Variants in PLXNA4 observed in about 807,000 individuals in gnomAD.
PLXNA4 encodes plexin-A4.
PLXNA4 carries 44 observed loss-of-function variants against 191.8 expected under a neutral mutation model. That is an observed-to-expected ratio of 0.23 (90% CI 0.18 to 0.29). The LOEUF (loss-of-function observed/expected upper bound fraction) is 0.29, where lower values mean the gene tolerates loss of function less well. PLXNA4 is among the 10% of genes least tolerant of loss of function. PLXNA4 has a pLI of 1.00. For synonymous variants in PLXNA4, 1,082 were observed against 1,009.5 expected, an observed-to-expected ratio of 1.07 and a Z score of -1.36; for missense variants, 1,800 against 2,488.8, an observed-to-expected ratio of 0.72 and a Z score of 5.89.
chr7:132,411,003 C>T (rs1359899827), intron 3 of PLXNA4, among the ~76,000 whole-genome samples: 2 of 152,280 alleles, frequency 1.3e-5, no homozygotes, highest in East Asian at 3.9e-4. Context: ...ATCCCGATTA[C>T]GTTTGCCCAT....
In PLXNA4 at chr7:132,159,477, A is replaced by C; in HGVS notation, c.4656T>G (p.Asp1552Glu). The change falls in exon 25 of 32, where the codon GAT becomes GAG. Residue 1552 changes from aspartate (D) to glutamate (E), a missense_variant. Asp to Glu is a conservative substitution (Grantham distance 45). Transcript: ENST00000321063. Reference sequence around the variant, plus strand: ...CTGGGTGGACAGCCTACTCACCCAGATCCATATCTGCAGCTTTGGGCCGGT... The same window carrying C: ...CTGGGTGGACAGCCTACTCACCCAGCTCCATATCTGCAGCTTTGGGCCGGT... ...CSHRPKAADM[D>E]LEWRQGSGAR... The C allele has an allele frequency of 1.2e-6, 2 of 1,614,048 alleles. No individual in the cohort carries two copies. Among genetic ancestry groups the C allele is most frequent in the East Asian group, 4.5e-5 (2 of 44,874 alleles).
At chr7:132,179,658 A>G in intron 20 of PLXNA4, 29 bp downstream of exon 20, 1 of 1,602,998 alleles carries the variant, frequency 6.2e-7, no homozygotes, top group Non-Finnish European at 8.5e-7. Context: ...GCACACACAC[A>G]TGGCCTCCAG....
At chr7:132,235,797 C>T (rs1261795751) in intron 5 of PLXNA4, among the ~76,000 whole-genome samples, 2 of 152,140 alleles carry the variant, frequency 1.3e-5, no homozygotes, top group Non-Finnish European at 2.9e-5. Flanking sequence ...GGGGACCTGC[C>T]AAGCCTGGTC....
At chr7:132,250,092 C>G (rs1799191691) in intron 4 of PLXNA4, among the ~76,000 whole-genome samples, 1 of 152,194 alleles carries the variant, frequency 6.6e-6, no homozygotes, top group Non-Finnish European at 1.5e-5. Flanking sequence ...GGATCTGCCA[C>G]CACTGTGTGA....
At chr7:132,173,495 G>T (rs1363529073) in intron 21 of PLXNA4, among the ~76,000 whole-genome samples, 1 of 152,158 alleles carries the variant, frequency 6.6e-6, no homozygotes, top group Non-Finnish European at 1.5e-5. Flanking sequence ...TCTTAGCTGA[G>T]GAGCCAAAGG....
chr7:132,508,797 A>T lies in PLXNA4; in HGVS notation c.-86-18T>A, dbSNP rs156963. ...CTCCCCTACTGGAGAAAGGGAAGAC[A>T]ATGAGCTGGATAACAATGCCAGTGG... On this transcript the variant is annotated intron_variant, in intron 1 of 31. Coordinates refer to ENST00000321063, the MANE Select transcript of PLXNA4 (RefSeq NM_020911.2). This position sits in a 1 kb window ranked among gnomAD's most constrained non-coding sequence, Gnocchi z 4.4. The T allele has an allele frequency of 0.38, 548,518 of 1,434,240 alleles. 106,125 individuals are homozygous for T. The highest frequency in any genetic ancestry group is 0.47 in the African/African-American group (32,828 of 69,576). The allele number at this position is 1,434,240 out of a possible 1,614,324, so 88.8% of individuals were successfully genotyped here. A position where few individuals can be genotyped will look rare whatever the true frequency, so the allele number is the denominator to read the frequency against.
chr7:132,194,168 T>C lies in PLXNA4; in HGVS notation c.2750A>G (p.Glu917Gly). 6.2e-7 allele frequency: 1 copy of C among 1,613,412 alleles called. No individual in the cohort carries two copies. The highest frequency in any genetic ancestry group is 8.5e-7 in the Non-Finnish European group (1 of 1,179,552). Reference sequence around the variant, plus strand: ...CTGGCTGGGCTTGGCCTCCCCCATCTCACACACGATCCTGCAGGGAGGATA... The same window carrying C: ...CTGGCTGGGCTTGGCCTCCCCCATCCCACACACGATCCTGCAGGGAGGATA... ...GYIPAEQIVC[E>G]MGEAKPSQHA... is the part of the protein sequence containing the mutation. The change falls in exon 14 of 32, where the codon GAG becomes GGG. Residue 917 changes from glutamate (E) to glycine (G), a missense_variant. By Grantham distance (98) the Glu-to-Gly change is moderately conservative. This residue lies in a region of PLXNA4 where 1,397 missense variants were observed against 1,880.4 expected (regional missense o/e 0.74). Coordinates refer to ENST00000321063, the MANE Select transcript of PLXNA4 (RefSeq NM_020911.2).
At chr7:132,610,147 A>G (rs1299559943) in intron 2 of PLXNA4, among the ~76,000 whole-genome samples, 1 of 152,250 alleles carries the variant, frequency 6.6e-6, no homozygotes, top group African/African-American at 2.4e-5. Context: ...AACACTTCCA[A>G]GAACCCGAGC....
intron 4 of PLXNA4, among the ~76,000 whole-genome samples, chr7:132,285,097 C>A (rs1024346094): frequency 6.6e-6 from 1 of 152,174 alleles, no homozygotes; most frequent in South Asian, 2.1e-4. Context: ...GAAAGCTAAG[C>A]CTCATTGAGT....
intron 6 of PLXNA4, 84 bp from the exon 7 acceptor site, chr7:132,227,688 A>T: frequency 6.5e-7 from 1 of 1,545,160 alleles, no homozygotes; most frequent in Non-Finnish European, 8.9e-7. Flanking sequence ...AAAGTGGGAG[A>T]GTGAGAGAGA....
chr7:132,356,081 G>A (rs1164088561), intron 3 of PLXNA4, among the ~76,000 whole-genome samples: 4 of 152,166 alleles, frequency 2.6e-5, no homozygotes, highest in Non-Finnish European at 5.9e-5. Flanking sequence ...CAGTTTCGAA[G>A]AACTGCTTTA....
At chr7:132,551,588 C>G (rs552030794) in intron 1 of PLXNA4, among the ~76,000 whole-genome samples, 1 of 152,304 alleles carries the variant, frequency 6.6e-6, no homozygotes, top group Non-Finnish European at 1.5e-5. Context: ...TCAGAGCTCT[C>G]TGCAAAAGAC....
chr7:132,594,167 T>C (rs1019343289), intron 2 of PLXNA4, among the ~76,000 whole-genome samples: 4 of 152,248 alleles, frequency 2.6e-5, no homozygotes, highest in African/African-American at 9.6e-5. Flanking sequence ...ATGTAATTCG[T>C]TAAGATGAGG....
At chr7:132,568,705 TG>T (rs1222180996) in intron 1 of PLXNA4, among the ~76,000 whole-genome samples, 1 of 152,208 alleles carries the variant, frequency 6.6e-6, no homozygotes, top group East Asian at 1.9e-4. Flanking sequence ...AAGACACTGC[TG>T]GAAGCAGAGG....
intron 2 of PLXNA4, among the ~76,000 whole-genome samples, chr7:132,587,722 G>A (rs1802528348): frequency 6.6e-6 from 1 of 151,940 alleles, no homozygotes; most frequent in African/African-American, 2.4e-5. Flanking sequence ...AAGGCCAAGG[G>A]TGGGACGAAG....
chr7:132,479,909 C>T (rs570154662), intron 3 of PLXNA4, among the ~76,000 whole-genome samples: 6 of 152,290 alleles, frequency 3.9e-5, no homozygotes, highest in African/African-American at 1.4e-4. Context: ...CCACCCTCCT[C>T]GGCCTCCCAA....
intron 3 of PLXNA4, among the ~76,000 whole-genome samples, chr7:132,313,353 T>C (rs1282038887): frequency 6.6e-6 from 1 of 152,210 alleles, no homozygotes; most frequent in Non-Finnish European, 1.5e-5. Context: ...TGCATGTGCC[T>C]GGAACATACA....
rs1163968022 is a variant in PLXNA4, at chr7:132,508,334, T to C, written c.360A>G (p.Ile120Met). 4 of 1,614,084 alleles carry C rather than the reference T, an allele frequency of 2.5e-6. No individual in the cohort carries two copies. Among genetic ancestry groups the C allele is most frequent in the Non-Finnish European group, 3.4e-6 (4 of 1,180,052 alleles). ...TTNNVNKMLL[I>M]DYKENRLIAC... The stretch of plus-strand genomic sequence containing the variant: ...CAATCAGCCTGTTCTCCTTGTAGTC[T>C]ATGAGGAGCATCTTGTTGACATTGT... The change falls in exon 2 of 32, where the codon ATA (isoleucine) becomes ATG (methionine). Residue 120 changes from isoleucine (I) to methionine (M), a missense_variant. Ile to Met is a conservative substitution (Grantham distance 10, BLOSUM62 1). Transcript: ENST00000321063. This position sits in a 1 kb window ranked among gnomAD's most constrained non-coding sequence, Gnocchi z 4.4.
chr7:132,420,719 G>A (rs1447738103), intron 3 of PLXNA4, among the ~76,000 whole-genome samples: 2 of 152,328 alleles, frequency 1.3e-5, no homozygotes, highest in East Asian at 3.9e-4. Context: ...GAATTCCCAT[G>A]TTTTGTGGGA....
Sources: allele counts gnomAD v4.1 joint callset (sites outside exome capture counted in the v4.1 genomes callset), GRCh38; gene constraint gnomAD v4.1.1; regional missense constraint gnomAD v4.1.1; non-coding constraint Gnocchi (gnomAD v3.1); transcripts MANE v1.5; gene names NCBI Gene and HGNC (gene_info 2026-07-23, HGNC 2026-07-21).